The following LMBRD2 variants were observed in gnomAD, a reference collection of about 807,000 sequenced individuals.
LMBRD2 encodes the protein G protein-coupled receptor-associated protein LMBRD2.
A neutral mutation model predicts 94.4 loss-of-function variants in LMBRD2; 55 were observed. That is an observed-to-expected ratio of 0.58 (90% CI 0.47 to 0.73). LMBRD2 has a LOEUF of 0.73. LMBRD2 is among the 30% of genes least tolerant of loss of function. The pLI is 0.00. For synonymous variants in LMBRD2, 246 were observed against 272.4 expected (o/e 0.90, Z 0.95); for missense variants, 640 against 831.9 (o/e 0.77, Z 2.84).
Position 36,103,868 on chromosome 5 carries a change from T to C in LMBRD2, c.*178A>G, listed in dbSNP as rs923452120. The C allele has an allele frequency of 6.3e-6, 3 of 475,982 alleles. No homozygotes were observed. Among genetic ancestry groups the C allele is most frequent in the Non-Finnish European group, 7.7e-6 (2 of 261,168 alleles). 29.5% of individuals were successfully genotyped at this position (475,982 alleles called of 1,614,324 possible). Reference sequence around the variant, plus strand: ...TAATAAATCTTGTTGAAAAAGGTGATACTCTATTCAATGCACATTAAACTA... The same window carrying C: ...TAATAAATCTTGTTGAAAAAGGTGACACTCTATTCAATGCACATTAAACTA... On this transcript the variant is annotated 3_prime_UTR_variant, in exon 18 of 18. Coordinates refer to ENST00000296603, the MANE Select transcript of LMBRD2 (RefSeq NM_001007527.2).
intron 15 of LMBRD2, among the ~76,000 whole-genome samples, chr5:36,109,463 A>G (rs1428299791): frequency 1.3e-5 from 2 of 152,126 alleles, no homozygotes; most frequent in Non-Finnish European, 2.9e-5. Flanking sequence ...CCATTTGTTA[A>G]AAAAATGTGT....
rs756041545 is a variant in LMBRD2 at position 36,122,892 on chromosome 5, T to C, written c.892A>G (p.Ser298Gly). The C allele has an allele frequency of 1.3e-6, 2 of 1,590,658 alleles. No homozygotes were observed. Among genetic ancestry groups the C allele is most frequent in the Non-Finnish European group, 8.5e-7 (1 of 1,172,344 alleles). Residue 298 changes from serine to glycine, a missense_variant, in exon 8 of 18, where the codon AGT becomes GGT. Around this residue, in one of 2 missense-constraint regions of LMBRD2, gnomAD observed 457 missense variants for 642.8 expected, o/e 0.71. Transcript: ENST00000296603. Reference sequence around the variant, plus strand: ...AGACTTTTTTCACTTGGATAGATACTATGCTTTTCATCAAAATCTTCATAA... The same window carrying C: ...AGACTTTTTTCACTTGGATAGATACCATGCTTTTCATCAAAATCTTCATAA... ...DDYEDFDEKH[S>G]IYPSEKSLVK...
Position 36,105,071 on chromosome 5 carries a change from C to CCTGATTCAGATTCAAGAGGAT in LMBRD2, c.2003_2023dup (p.Asp668_Ser674dup), listed in dbSNP as rs1743431821. The CCTGATTCAGATTCAAGAGGAT allele has an allele frequency of 6.2e-7, 1 of 1,611,860 alleles. No individual in the cohort carries two copies. The highest frequency in any genetic ancestry group is 1.3e-5 in the African/African-American group (1 of 74,812). On this transcript the variant is annotated inframe_insertion, in exon 17 of 18. Transcript: ENST00000296603. ...AAATGTCACAGCCAGAACTTACCTT[C>CCTGATTCAGATTCAAGAGGAT]CTGATTCAGATTCAAGAGGATCATC... is the stretch of plus-strand genomic sequence containing the variant.
rs1744466023 is a variant in LMBRD2, at chr5:36,143,479, T to C, written c.-57-73A>G. The C allele has an allele frequency of 1.7e-5, 10 of 597,010 alleles. No homozygotes were observed. In the South Asian group the frequency reaches 2.6e-4, roughly 15 times the overall value. The allele number at this position is 597,010 out of a possible 1,614,324, so 37.0% of individuals were successfully genotyped here. On this transcript the variant is annotated intron_variant, in intron 1 of 17. Coordinates refer to ENST00000296603, the MANE Select transcript of LMBRD2 (RefSeq NM_001007527.2). ...ACATTTGGAAATTTCATCTGAATAT[T>C]TATTAGTACATTAATACATTAATCA... is the stretch of plus-strand genomic sequence containing the variant.
chr5:36,110,847 G>T (rs1301128625), intron 14 of LMBRD2, among the ~76,000 whole-genome samples: 1 of 152,010 alleles, frequency 6.6e-6, no homozygotes, highest in Admixed American at 6.6e-5. Context: ...GTTGTACAGA[G>T]CTTCGCAAAT....
chr5:36,115,589 C>T (rs566425055), intron 11 of LMBRD2, among the ~76,000 whole-genome samples: 1 of 152,226 alleles, frequency 6.6e-6, no homozygotes, highest in Non-Finnish European at 1.5e-5. Flanking sequence ...CAAACCCACA[C>T]ACTTGGATAA....
chr5:36,113,944 T>A (rs1361648284), intron 13 of LMBRD2, among the ~76,000 whole-genome samples: 1 of 152,186 alleles, frequency 6.6e-6, no homozygotes, highest in African/African-American at 2.4e-5. Context: ...AAATTTCTCC[T>A]CTAATCTTAA....
chr5:36,101,230 A>G lies in LMBRD2; in HGVS notation c.*2816T>C, dbSNP rs2111829861. The G allele has an allele frequency of 6.6e-6, 1 of 152,076 alleles. No individual in the cohort carries two copies. Among genetic ancestry groups the G allele is most frequent in the Non-Finnish European group, 1.5e-5 (1 of 67,878 alleles). The allele number at this position is 152,076 out of a possible 1,614,324, so 9.4% of individuals were successfully genotyped here. ...CTTTTGTTTTTTACAAAAATGCTCT[A>G]TTGATAACAAGTTATTTATGTTGTA... On this transcript the variant is annotated 3_prime_UTR_variant, in exon 18 of 18. Coordinates refer to ENST00000296603, the MANE Select transcript of LMBRD2 (RefSeq NM_001007527.2).
Position 36,114,417 on chromosome 5 carries a change from T to G in LMBRD2, c.1640+7A>C, listed in dbSNP as rs771517240. ...AGCAAAAGAAAAAACAATGTTAAGTTTCTTACCTAAAATAAGTAGCAATGC... is the reference window on the plus strand; with the variant it reads ...AGCAAAAGAAAAAACAATGTTAAGTGTCTTACCTAAAATAAGTAGCAATGC... On this transcript the variant is annotated splice_region_variant and intron_variant, in intron 13 of 17. Coordinates refer to ENST00000296603, the MANE Select transcript of LMBRD2 (RefSeq NM_001007527.2). 1 of 1,556,586 alleles carries G rather than the reference T, an allele frequency of 6.4e-7. No individual in the cohort carries two copies. Among genetic ancestry groups the G allele is most frequent in the Non-Finnish European group, 8.6e-7 (1 of 1,159,746 alleles).
chr5:36,124,450 T>C (rs1437234146), intron 6 of LMBRD2, among the ~76,000 whole-genome samples, 185 bp from the exon 7 acceptor site: 1 of 152,204 alleles, frequency 6.6e-6, no homozygotes, highest in East Asian at 1.9e-4. Flanking sequence ...TAGCTATTTC[T>C]ATACCCTGAA....
At chr5:36,105,856 C>T (rs1315658716) in intron 16 of LMBRD2, among the ~76,000 whole-genome samples, 1 of 152,166 alleles carries the variant, frequency 6.6e-6, no homozygotes, top group Non-Finnish European at 1.5e-5. Context: ...TCTCCCTTCT[C>T]TATGTGGATA....
intron 6 of LMBRD2, among the ~76,000 whole-genome samples, chr5:36,135,839 A>G (rs151070747): frequency 2.0e-5 from 3 of 152,338 alleles, no homozygotes; most frequent in East Asian, 3.9e-4. Context: ...TATTAAGATT[A>G]CAGATAGGAA....
At position 36,101,096 on chromosome 5, in the gene LMBRD2, A is replaced by G. The variant is rs1449342044; in HGVS notation, c.*2950T>C. The G allele has an allele frequency of 1.3e-5, 2 of 151,986 alleles. No individual in the cohort carries two copies. Among genetic ancestry groups the G allele is most frequent in the Non-Finnish European group, 2.9e-5 (2 of 67,868 alleles). The allele number at this position is 151,986 out of a possible 1,614,324, so 9.4% of individuals were successfully genotyped here. On this transcript the variant is annotated 3_prime_UTR_variant, in exon 18 of 18. Transcript: ENST00000296603. Reference sequence around the variant, plus strand: ...GGAAAACCCTTGAATCTTTTGATTTAGTTCTTACCATTTCTGTGAAATGAG... The same window carrying G: ...GGAAAACCCTTGAATCTTTTGATTTGGTTCTTACCATTTCTGTGAAATGAG...
chr5:36,130,516 G>T (rs1744127488), intron 6 of LMBRD2, among the ~76,000 whole-genome samples: 1 of 151,956 alleles, frequency 6.6e-6, no homozygotes, highest in Non-Finnish European at 1.5e-5. Context: ...AGGAAGGAAA[G>T]AAAAGAATAT....
intron 6 of LMBRD2, among the ~76,000 whole-genome samples, chr5:36,127,184 C>T (rs775820448): frequency 2.6e-5 from 4 of 152,214 alleles, no homozygotes; most frequent in Non-Finnish European, 4.4e-5. Context: ...GGCAGGAAGA[C>T]AGTAAATATT....
At chr5:36,131,709 A>G (rs1744156693) in intron 6 of LMBRD2, among the ~76,000 whole-genome samples, 1 of 152,180 alleles carries the variant, frequency 6.6e-6, no homozygotes, top group African/African-American at 2.4e-5. Flanking sequence ...TTGAAAAAGA[A>G]ATCCCATTTA....
chr5:36,123,046 A>G (rs912368529), intron 7 of LMBRD2, 85 bp from the exon 8 acceptor site: 84 of 1,292,768 alleles, frequency 6.5e-5, no homozygotes, highest in Non-Finnish European at 2.0e-5. Context: ...TTCATTCTTG[A>G]GCAGTTCTAA....
Position 36,100,952 on chromosome 5 carries a change from C to T in LMBRD2, c.*3094G>A, listed in dbSNP as rs1241418623. 6.6e-6 allele frequency: 1 copy of T among 152,004 alleles called. No homozygotes were observed. Among genetic ancestry groups the T allele is most frequent in the Non-Finnish European group, 1.5e-5 (1 of 67,936 alleles). The allele number at this position is 152,004 out of a possible 1,614,324, so 9.4% of individuals were successfully genotyped here. A position where few individuals can be genotyped will look rare whatever the true frequency, so the allele number is the denominator to read the frequency against. Reference sequence around the variant, plus strand: ...CCTATGCTAATTTAATTTGGGCATACATGCAGCTTAAATTTCAGAACTGAT... The same window carrying T: ...CCTATGCTAATTTAATTTGGGCATATATGCAGCTTAAATTTCAGAACTGAT... On this transcript the variant is annotated 3_prime_UTR_variant, in exon 18 of 18. Transcript: ENST00000296603.
At chr5:36,104,730 A>C (rs887197959) in intron 17 of LMBRD2, among the ~76,000 whole-genome samples, 3 of 151,976 alleles carry the variant, frequency 2.0e-5, no homozygotes, top group Non-Finnish European at 4.4e-5. Flanking sequence ...AAATATAATA[A>C]ATTTCACAAA....
Sources: allele counts gnomAD v4.1 joint callset (sites outside exome capture counted in the v4.1 genomes callset), GRCh38; gene constraint gnomAD v4.1.1; regional missense constraint gnomAD v4.1.1; transcripts MANE v1.5; gene names NCBI Gene and HGNC (gene_info 2026-07-23, HGNC 2026-07-21).